SLC20A2: variants seen among roughly 807,000 people sequenced by gnomAD.
SLC20A2 encodes sodium-dependent phosphate transporter 2.
SLC20A2 carries 30 observed loss-of-function variants against 61.0 expected under a neutral mutation model. That is an observed-to-expected ratio of 0.49 (90% CI 0.37 to 0.67). The LOEUF (loss-of-function observed/expected upper bound fraction) is 0.67, where lower values mean the gene tolerates loss of function less well. Among genes scored for constraint, SLC20A2 ranks in the 30% least tolerant of loss-of-function variants. The pLI is 0.00. For missense variants in SLC20A2, 626 were observed against 866.4 expected (o/e 0.72, Z 3.48); for synonymous variants, 351 against 353.3 (o/e 0.99, Z 0.07).
At chr8:42,492,490 A>C (rs1809596167) in intron 1 of SLC20A2, among the ~76,000 whole-genome samples, 1 of 152,256 alleles carries the variant, frequency 6.6e-6, no homozygotes. Flanking sequence ...ATGATGAAGA[A>C]AGGAAGGCGA....
intron 1 of SLC20A2, among the ~76,000 whole-genome samples, chr8:42,491,988 G>A (rs962376800): frequency 2.6e-5 from 4 of 152,172 alleles, no homozygotes; most frequent in Non-Finnish European, 5.9e-5. Context: ...ACTGGGAACA[G>A]TACTCTATTC....
chr8:42,453,274 T>C (rs1805886997), intron 5 of SLC20A2, among the ~76,000 whole-genome samples: 1 of 152,238 alleles, frequency 6.6e-6, no homozygotes, highest in Non-Finnish European at 1.5e-5. Flanking sequence ...CCAACCCAAG[T>C]AAGCATTTTA....
At chr8:42,521,582 TG>T (rs1811623197) in intron 1 of SLC20A2, among the ~76,000 whole-genome samples, 1 of 120,364 alleles carries the variant, frequency 8.3e-6, no homozygotes, top group Non-Finnish European at 2.0e-5. Flanking sequence ...CTCAACCTCC[TG>T]GGCTCAAGTG....
At chr8:42,505,961 T>TTTTATTTA, upstream of SLC20A2, among the ~76,000 whole-genome samples, 1 of 151,204 alleles carries the variant, frequency 6.6e-6, no homozygotes, top group African/African-American at 2.4e-5. Flanking sequence ...ATTCTCTGTA[T>TTTTATTTA]TTTATTTATT....
chr8:42,502,990 C>T (rs2131352887), upstream of SLC20A2, among the ~76,000 whole-genome samples: 1 of 152,340 alleles, frequency 6.6e-6, no homozygotes, highest in Admixed American at 6.5e-5. Flanking sequence ...ATTTCTGCAT[C>T]AGAGTTTGTA....
chr8:42,438,494 G>T (rs1804522188), intron 7 of SLC20A2, among the ~76,000 whole-genome samples: 1 of 152,104 alleles, frequency 6.6e-6, no homozygotes, highest in Non-Finnish European at 1.5e-5. Flanking sequence ...CATCTTAAAA[G>T]GTCAGTCATG....
chr8:42,443,375 C>A (rs1187935146), intron 6 of SLC20A2, among the ~76,000 whole-genome samples: 2 of 147,516 alleles, frequency 1.4e-5, no homozygotes, highest in Non-Finnish European at 3.0e-5. Flanking sequence ...AGTGCAGTGG[C>A]ACGATCTTGG....
chr8:42,427,603 T>C (rs1431429981), intron 10 of SLC20A2, among the ~76,000 whole-genome samples: 1 of 152,188 alleles, frequency 6.6e-6, no homozygotes, highest in Non-Finnish European at 1.5e-5. Context: ...TTGAAGTATT[T>C]CTGTATATGG....
chr8:42,496,567 T>C lies in SLC20A2; in HGVS notation c.-265+4464A>G, dbSNP rs937456245. On this transcript the variant is annotated intron_variant, in intron 1 of 10. Coordinates refer to ENST00000520262, the MANE Select transcript of SLC20A2 (RefSeq NM_001257180.2). ...ACAGAGGAGAAGGCAGAGCACTTAC[T>C]TGTGGCCTTAGCCATTCCAATGGAA... 9.2e-5 allele frequency among the ~76,000 whole-genome samples: 14 copies of C among 152,346 alleles called. No individual in the cohort carries two copies. In the South Asian group the frequency reaches 1.0e-3, roughly 11 times the overall value.
At chr8:42,444,605 G>A (rs1006509466) in intron 6 of SLC20A2, 41 bp downstream of exon 6, 20 of 1,463,382 alleles carry the variant, frequency 1.4e-5, no homozygotes, top group Admixed American at 1.7e-5. Context: ...TTTGGGAATC[G>A]GGAGCATTTC....
chr8:42,535,964 A>T (rs1331333744), intron 1 of SLC20A2, among the ~76,000 whole-genome samples: 1 of 152,254 alleles, frequency 6.6e-6, no homozygotes, highest in African/African-American at 2.4e-5. Context: ...TAGAGATTTC[A>T]TTAAATTATC....
chr8:42,461,049 G>A (rs751647455), intron 4 of SLC20A2, among the ~76,000 whole-genome samples: 4 of 152,234 alleles, frequency 2.6e-5, no homozygotes, highest in Non-Finnish European at 4.4e-5. Flanking sequence ...TCAAGGAGCT[G>A]TTCTGGAATG....
intron 8 of SLC20A2, among the ~76,000 whole-genome samples, chr8:42,431,732 G>C (rs1803883873): frequency 1.3e-5 from 2 of 152,220 alleles, no homozygotes; most frequent in Non-Finnish European, 2.9e-5. Flanking sequence ...TTTAGTTGAA[G>C]CCAATGTTCA....
chr8:42,529,245 A>G (rs1812181972), intron 1 of SLC20A2, among the ~76,000 whole-genome samples: 1 of 152,150 alleles, frequency 6.6e-6, no homozygotes, highest in Non-Finnish European at 1.5e-5. Flanking sequence ...CTGTAATTAC[A>G]TGTGTGAGCT....
intron 1 of SLC20A2, among the ~76,000 whole-genome samples, chr8:42,533,868 C>T (rs1289545803): frequency 6.6e-6 from 1 of 150,794 alleles, no homozygotes; most frequent in Non-Finnish European, 1.5e-5. Context: ...CTATGTTGGT[C>T]AGGCTGGTCT....
At chr8:42,474,941 G>A (rs1202421060) in intron 1 of SLC20A2, among the ~76,000 whole-genome samples, 2 of 141,878 alleles carry the variant, frequency 1.4e-5, no homozygotes, top group Non-Finnish European at 3.1e-5. Context: ...GGGTGGGGGG[G>A]ACACTCATTC....
chr8:42,449,009 G>A (rs1264599726), intron 5 of SLC20A2, among the ~76,000 whole-genome samples: 5 of 152,286 alleles, frequency 3.3e-5, no homozygotes, highest in Non-Finnish European at 5.9e-5. Flanking sequence ...ACAGGACAGC[G>A]CCTGAATCAA....
At chr8:42,461,210 T>C (rs1009942309) in intron 4 of SLC20A2, among the ~76,000 whole-genome samples, 14 of 152,106 alleles carry the variant, frequency 9.2e-5, no homozygotes, top group Non-Finnish European at 1.9e-4. Context: ...CCAAGATTAA[T>C]GGGCTGGAGC....
chr8:42,485,718 C>T (rs745638685), intron 1 of SLC20A2, among the ~76,000 whole-genome samples: 30 of 147,754 alleles, frequency 2.0e-4, no homozygotes, highest in Non-Finnish European at 3.0e-4. Context: ...GAGGCTGAGG[C>T]GGGCGGATCA....
Sources: allele counts gnomAD v4.1 joint callset (sites outside exome capture counted in the v4.1 genomes callset), GRCh38; gene constraint gnomAD v4.1.1; transcripts MANE v1.5; gene names NCBI Gene and HGNC (gene_info 2026-07-23, HGNC 2026-07-21).